Variants in TBC1D22A observed in about 807,000 individuals in gnomAD.
TBC1D22A encodes TBC1 domain family member 22A, also known as putative GTPase activator.
Under a neutral mutation model 60.2 loss-of-function variants are expected in TBC1D22A, and 38 were observed. The ratio of observed to expected loss-of-function variants is 0.63; its 90% CI spans 0.49 to 0.83. The LOEUF is 0.83. Among genes scored for constraint, TBC1D22A ranks in the 40% least tolerant of loss-of-function variants. TBC1D22A has a pLI of 0.00. For synonymous variants in TBC1D22A, 302 were observed against 281.7 expected (o/e 1.07, Z -0.72); for missense variants, 628 against 701.0 (o/e 0.90, Z 1.18).
intron 11 of TBC1D22A, among the ~76,000 whole-genome samples, chr22:47,057,319 C>A (rs988811290): frequency 6.6e-6 from 1 of 152,186 alleles, no homozygotes; most frequent in Non-Finnish European, 1.5e-5. Flanking sequence ...TTGCCTCCCA[C>A]CCCATGGTCC....
chr22:47,164,368 A>G (rs2147214975), intron 12 of TBC1D22A, among the ~76,000 whole-genome samples: 1 of 152,322 alleles, frequency 6.6e-6, no homozygotes, highest in South Asian at 2.1e-4. Flanking sequence ...TCACTTATGC[A>G]TGTCCAGGGC....
chr22:46,898,266 C>A (rs2068789573), intron 7 of TBC1D22A, among the ~76,000 whole-genome samples: 1 of 152,174 alleles, frequency 6.6e-6, no homozygotes, highest in South Asian at 2.1e-4. Context: ...TTGTCTCTGA[C>A]CACCATGGGC....
intron 11 of TBC1D22A, among the ~76,000 whole-genome samples, chr22:47,074,435 T>C (rs2064122488): frequency 6.6e-6 from 1 of 152,256 alleles, no homozygotes; most frequent in Admixed American, 6.5e-5. Context: ...GCAGGCACTT[T>C]GTTAATTCTG....
chr22:47,042,767 G>C (rs1032149563), intron 11 of TBC1D22A, among the ~76,000 whole-genome samples: 1 of 152,256 alleles, frequency 6.6e-6, no homozygotes, highest in Non-Finnish European at 1.5e-5. Context: ...AGGTAGCTTT[G>C]ATCAAGAAGC....
At chr22:47,139,070 A>G (rs1270813590) in intron 12 of TBC1D22A, among the ~76,000 whole-genome samples, 1 of 152,226 alleles carries the variant, frequency 6.6e-6, no homozygotes, top group East Asian at 1.9e-4. Flanking sequence ...GTCTCCCCTG[A>G]GGGCCCAGCC....
intron 8 of TBC1D22A, among the ~76,000 whole-genome samples, chr22:46,950,120 T>C (rs576723826): frequency 6.6e-6 from 1 of 152,242 alleles, no homozygotes; most frequent in South Asian, 2.1e-4. Flanking sequence ...CTAAGCCAAG[T>C]TGGAGTGATC....
At chr22:47,040,128 G>T (rs904147257) in intron 11 of TBC1D22A, among the ~76,000 whole-genome samples, 1 of 151,790 alleles carries the variant, frequency 6.6e-6, no homozygotes, top group Non-Finnish European at 1.5e-5. Flanking sequence ...TGTATTTTTA[G>T]TAGAGATGAG....
intron 4 of TBC1D22A, among the ~76,000 whole-genome samples, chr22:46,843,511 C>T (rs1009662660): frequency 1.3e-5 from 2 of 149,296 alleles, no homozygotes; most frequent in African/African-American, 5.2e-5. Context: ...TTATCTGGGC[C>T]CAAAAGAGCA....
chr22:47,133,811 A>G (rs2066765718), intron 12 of TBC1D22A, among the ~76,000 whole-genome samples: 1 of 152,162 alleles, frequency 6.6e-6, no homozygotes, highest in African/African-American at 2.4e-5. Flanking sequence ...TTGATCCAGC[A>G]GCGGCTTCAG....
intron 4 of TBC1D22A, among the ~76,000 whole-genome samples, chr22:46,809,825 C>T (rs902919061): frequency 2.0e-5 from 3 of 152,102 alleles, no homozygotes; most frequent in Admixed American, 1.3e-4. Flanking sequence ...TGTGTGTCCT[C>T]CCCACCCAGA....
intron 1 of TBC1D22A, among the ~76,000 whole-genome samples, chr22:46,779,010 C>T (rs1044811604): frequency 4.6e-5 from 7 of 152,186 alleles, no homozygotes; most frequent in Non-Finnish European, 7.3e-5. Context: ...CACCATTGCA[C>T]TCCAGCCTGA....
intron 12 of TBC1D22A, among the ~76,000 whole-genome samples, chr22:47,163,159 G>T (rs755331793): frequency 6.7e-6 from 1 of 148,726 alleles, no homozygotes; most frequent in Non-Finnish European, 1.5e-5. Flanking sequence ...CTGCCCCCCC[G>T]CCCGGCCCCT....
intron 10 of TBC1D22A, among the ~76,000 whole-genome samples, chr22:47,022,030 T>C (rs1159770507): frequency 1.3e-5 from 2 of 152,084 alleles, no homozygotes; most frequent in Non-Finnish European, 1.5e-5. Context: ...TTCCCTCAAA[T>C]AGAGAAAAGA....
chr22:46,999,800 C>T (rs367749281), intron 10 of TBC1D22A, among the ~76,000 whole-genome samples: 20 of 151,906 alleles, frequency 1.3e-4, no homozygotes, highest in Admixed American at 1.2e-3. Flanking sequence ...CCGAGGCAGG[C>T]GGATCACGAG....
chr22:47,171,596 C>T (rs2068454778), intron 12 of TBC1D22A, among the ~76,000 whole-genome samples: 1 of 152,206 alleles, frequency 6.6e-6, no homozygotes, highest in Non-Finnish European at 1.5e-5. Flanking sequence ...CTGCAGGAGG[C>T]TGTCTTGGCC....
At chr22:47,071,693 C>G (rs2063996982) in intron 11 of TBC1D22A, among the ~76,000 whole-genome samples, 1 of 152,186 alleles carries the variant, frequency 6.6e-6, no homozygotes, top group African/African-American at 2.4e-5. Flanking sequence ...GAAACCCTTG[C>G]TAATGCTTTA....
intron 4 of TBC1D22A, among the ~76,000 whole-genome samples, chr22:46,850,613 C>T (rs1225789014): frequency 6.6e-6 from 1 of 152,078 alleles, no homozygotes; most frequent in Non-Finnish European, 1.5e-5. Flanking sequence ...TGGAAAAGAG[C>T]CTGAAGGTTC....
intron 1 of TBC1D22A, among the ~76,000 whole-genome samples, chr22:46,775,460 G>A (rs918197284): frequency 2.0e-5 from 3 of 152,198 alleles, no homozygotes; most frequent in Admixed American, 6.5e-5. Flanking sequence ...CTTTCTCGGG[G>A]TGGAGGAAGA....
intron 12 of TBC1D22A, among the ~76,000 whole-genome samples, chr22:47,120,053 A>G (rs1002618474): frequency 2.0e-5 from 3 of 152,188 alleles, no homozygotes; most frequent in Non-Finnish European, 4.4e-5. Context: ...GAATGTAGCC[A>G]TGCTCCTGGA....
Sources: allele counts gnomAD v4.1 joint callset (sites outside exome capture counted in the v4.1 genomes callset), GRCh38; gene constraint gnomAD v4.1.1; transcripts MANE v1.5; gene names NCBI Gene and HGNC (gene_info 2026-07-23, HGNC 2026-07-21).